PRKG1: variants seen among roughly 807,000 people sequenced by gnomAD.
PRKG1 encodes protein kinase cGMP-dependent 1, also known as cGMP-dependent protein kinase 1.
In PRKG1, 35 loss-of-function variants were observed where a neutral mutation model predicts 88.1. The ratio of observed to expected loss-of-function variants is 0.40; its 90% CI spans 0.30 to 0.53. PRKG1 has a LOEUF of 0.53. Ranked by LOEUF, PRKG1 falls within the 20% of genes least tolerant of loss-of-function variation. The pLI, the probability that PRKG1 is intolerant of heterozygous loss-of-function variation, is 0.59. For synonymous variants in PRKG1, 303 were observed against 292.5 expected (o/e 1.04, Z -0.37); for missense variants, 540 against 839.8 (o/e 0.64, Z 4.41).
intron 9 of PRKG1, among the ~76,000 whole-genome samples, chr10:52,191,144 C>T (rs939128279): frequency 6.6e-6 from 1 of 152,014 alleles, no homozygotes; most frequent in African/African-American, 2.4e-5. Context: ...CCCTACCCTA[C>T]GATAGTCCTA....
At chr10:51,351,107 C>CA (rs1842234263) in intron 2 of PRKG1, among the ~76,000 whole-genome samples, 1 of 152,174 alleles carries the variant, frequency 6.6e-6, no homozygotes, top group South Asian at 2.1e-4. Flanking sequence ...TTTATGGCTG[C>CA]ATAGTATTCC....
chr10:51,623,847 G>A (rs558486943), intron 3 of PRKG1, among the ~76,000 whole-genome samples: 11 of 152,198 alleles, frequency 7.2e-5, no homozygotes, highest in South Asian at 2.1e-4. Flanking sequence ...TCACTCTGAC[G>A]TTGGGTTCTA....
rs530942246 is a variant in PRKG1, at chr10:52,247,611, C to A, written c.1077-3959C>A. ...AAGTAAAGAAAAAGAATGAAAATGT[C>A]CCTCCCAGTTATGGCAAGAAACAGT... On this transcript the variant is annotated intron_variant, in intron 9 of 17. Coordinates refer to ENST00000373980, the MANE Select transcript of PRKG1 (RefSeq NM_006258.4). 5.9e-5 allele frequency among the ~76,000 whole-genome samples: 9 copies of A among 152,220 alleles called. No homozygotes were observed. The South Asian group carries it at 1.9e-3, about 32-fold the overall frequency.
chr10:52,053,894 T>G (rs1033432207), intron 5 of PRKG1, among the ~76,000 whole-genome samples: 3 of 152,096 alleles, frequency 2.0e-5, no homozygotes, highest in African/African-American at 7.2e-5. Flanking sequence ...GTAACTAGGG[T>G]CGTCTAACCC....
At chr10:51,412,569 G>A (rs1042748145) in intron 2 of PRKG1, among the ~76,000 whole-genome samples, 1 of 152,132 alleles carries the variant, frequency 6.6e-6, no homozygotes. Flanking sequence ...GCTTGAACCC[G>A]GGAGGCGGAG....
At chr10:51,866,923 T>A (rs1388372343) in intron 4 of PRKG1, among the ~76,000 whole-genome samples, 1 of 152,140 alleles carries the variant, frequency 6.6e-6, no homozygotes, top group Non-Finnish European at 1.5e-5. Flanking sequence ...CTCAGTCTAA[T>A]GGGGAAGACA....
chr10:50,995,705 A>G (rs1842830232), intron 1 of PRKG1, among the ~76,000 whole-genome samples: 1 of 152,154 alleles, frequency 6.6e-6, no homozygotes, highest in South Asian at 2.1e-4. Flanking sequence ...TTGGCTGCCT[A>G]GTTAGCCAGT....
chr10:51,923,461 T>C (rs1355146108), intron 5 of PRKG1, among the ~76,000 whole-genome samples: 1 of 150,660 alleles, frequency 6.6e-6, no homozygotes, highest in Non-Finnish European at 1.5e-5. Context: ...TTTGTGATTA[T>C]TTTACTATAT....
At chr10:51,832,555 AT>A (rs1198133469) in intron 4 of PRKG1, among the ~76,000 whole-genome samples, 2 of 151,988 alleles carry the variant, frequency 1.3e-5, no homozygotes, top group Non-Finnish European at 2.9e-5. Flanking sequence ...GTGAGGGGAA[AT>A]TTTTTTCCAC....
At position 51,319,447 on chromosome 10, in the gene PRKG1, CT is replaced by C. The variant is rs147670703; in HGVS notation, c.479-148275del. ...TTGGGTTTGTAGTGACCTTTGTTTG[CT>C]GTTTTCCCTTCCTTTCTGCTCTGTG... On this transcript the variant is annotated intron_variant, in intron 2 of 17. Transcript: ENST00000373980. Among the ~76,000 whole-genome samples the C allele has an allele frequency of 1.1e-3, 165 of 152,314 alleles. 1 individual carries two copies. The highest frequency in any genetic ancestry group is 3.8e-3 in the African/African-American group (158 of 41,584).
chr10:51,253,046 T>C (rs1381442135), intron 2 of PRKG1, among the ~76,000 whole-genome samples: 1 of 151,882 alleles, frequency 6.6e-6, no homozygotes, highest in Non-Finnish European at 1.5e-5. Context: ...TCTACACCAG[T>C]TGAGTATATT....
intron 2 of PRKG1, among the ~76,000 whole-genome samples, chr10:51,247,947 C>A (rs1470307769): frequency 1.3e-5 from 2 of 151,888 alleles, no homozygotes; most frequent in Non-Finnish European, 2.9e-5. Flanking sequence ...ATGTAATCTT[C>A]AGTTTGTGTC....
intron 3 of PRKG1, among the ~76,000 whole-genome samples, chr10:51,501,160 A>T (rs1589021562): frequency 6.6e-6 from 1 of 152,146 alleles, no homozygotes; most frequent in Admixed American, 6.6e-5. Context: ...TTTTTGCTTA[A>T]TATGGAATCA....
chr10:51,241,430 A>G (rs1473881384), intron 2 of PRKG1, among the ~76,000 whole-genome samples: 1 of 152,220 alleles, frequency 6.6e-6, no homozygotes, highest in Non-Finnish European at 1.5e-5. Context: ...AGGAAAGATA[A>G]TCACACAATT....
chr10:51,743,052 AAGAG>A (rs373318408), intron 3 of PRKG1, among the ~76,000 whole-genome samples: 2 of 151,590 alleles, frequency 1.3e-5, no homozygotes, highest in Admixed American at 6.6e-5. Flanking sequence ...TAAAATTAAA[AAGAG>A]AGAGAGAGAG....
intron 2 of PRKG1, among the ~76,000 whole-genome samples, chr10:51,387,458 T>G (rs1156701744): frequency 6.6e-6 from 1 of 151,856 alleles, no homozygotes; most frequent in Non-Finnish European, 1.5e-5. Context: ...GTCATTTTTC[T>G]TTGGCTATAA....
At chr10:52,195,959 C>T (rs1839493246) in intron 9 of PRKG1, among the ~76,000 whole-genome samples, 1 of 151,932 alleles carries the variant, frequency 6.6e-6, no homozygotes, top group Non-Finnish European at 1.5e-5. Context: ...GAAATTGATC[C>T]CAATTAGTGA....
chr10:51,369,141 C>T (rs757823401), intron 2 of PRKG1, among the ~76,000 whole-genome samples: 6 of 151,982 alleles, frequency 3.9e-5, no homozygotes, highest in Admixed American at 6.6e-5. Context: ...CAATAGGAGG[C>T]GCTCATAATC....
chr10:51,862,584 T>G (rs1840910635), intron 4 of PRKG1, among the ~76,000 whole-genome samples: 1 of 151,356 alleles, frequency 6.6e-6, no homozygotes, highest in South Asian at 2.1e-4. Flanking sequence ...AATGGGGGAG[T>G]GCATGATGAT....
Sources: allele counts gnomAD v4.1 joint callset (sites outside exome capture counted in the v4.1 genomes callset), GRCh38; gene constraint gnomAD v4.1.1; transcripts MANE v1.5; gene names NCBI Gene and HGNC (gene_info 2026-07-23, HGNC 2026-07-21).